CTNNA3: variants seen among roughly 807,000 people sequenced by gnomAD.
CTNNA3 encodes the protein catenin alpha 3.
CTNNA3 carries 76 observed loss-of-function variants against 95.7 expected under a neutral mutation model. The observed-to-expected ratio is 0.79, with a 90% CI of 0.66 to 0.96. CTNNA3 has a LOEUF of 0.96. CTNNA3 is among the 40% of genes least tolerant of loss of function. The pLI is 0.00. For missense variants in CTNNA3, 1,191 were observed against 1,089.8 expected (o/e 1.09, Z -1.31); for synonymous variants, 431 against 374.4 (o/e 1.15, Z -1.74).
rs560021112 is a variant in CTNNA3 at position 67,202,809 on chromosome 10, A to G, written c.843+16798T>C. Among the ~76,000 whole-genome samples, 23 of 152,090 alleles carry G rather than the reference A, an allele frequency of 1.5e-4. 1 individual carries two copies. Among genetic ancestry groups the G allele is most frequent in the African/African-American group, 5.5e-4 (23 of 41,502 alleles). ...TAGTAAATGTAACCTTCCAAAACAAATTTTTATTATATTATTATGATGGTA... is the reference window on the plus strand; with the variant it reads ...TAGTAAATGTAACCTTCCAAAACAAGTTTTTATTATATTATTATGATGGTA... On this transcript the variant is annotated intron_variant, in intron 6 of 17. Coordinates refer to ENST00000433211, the MANE Select transcript of CTNNA3 (RefSeq NM_013266.4).
intron 2 of CTNNA3, among the ~76,000 whole-genome samples, chr10:67,626,422 T>C (rs1838959308): frequency 6.6e-6 from 1 of 152,194 alleles, no homozygotes; most frequent in Non-Finnish European, 1.5e-5. Context: ...AAATCATAAA[T>C]GGCTTTTTTG....
chr10:67,299,820 T>C (rs1018573625), intron 5 of CTNNA3, among the ~76,000 whole-genome samples: 9 of 152,250 alleles, frequency 5.9e-5, no homozygotes, highest in Non-Finnish European at 1.2e-4. Context: ...TGAAAGGACC[T>C]AATATATAAA....
At chr10:66,220,995 C>A (rs890286251) in intron 13 of CTNNA3, among the ~76,000 whole-genome samples, 2 of 152,164 alleles carry the variant, frequency 1.3e-5, no homozygotes, top group African/African-American at 4.8e-5. Context: ...GTAGGGCCCT[C>A]GCCAGGGATC....
At chr10:67,274,439 C>T (rs1015610568) in intron 5 of CTNNA3, among the ~76,000 whole-genome samples, 7 of 152,062 alleles carry the variant, frequency 4.6e-5, no homozygotes, top group Non-Finnish European at 1.0e-4. Flanking sequence ...AGCATAATCA[C>T]AAATATTTGA....
intron 3 of CTNNA3, among the ~76,000 whole-genome samples, chr10:67,558,457 T>A (rs1841337361): frequency 6.6e-6 from 1 of 152,222 alleles, no homozygotes; most frequent in Admixed American, 6.5e-5. Flanking sequence ...GCCATTGATA[T>A]ATGTCAAAGT....
Position 67,139,729 on chromosome 10 carries a change from T to C in CTNNA3, c.1047+40588A>G, listed in dbSNP as rs1300397071. 2.0e-5 allele frequency among the ~76,000 whole-genome samples: 3 copies of C among 152,160 alleles called. No individual in the cohort carries two copies. The East Asian group carries it at 5.8e-4, about 29-fold the overall frequency. ...CGCCCAACCTAAAAAATGTAATAGA[T>C]TTAAAAGCCAAATATAAATCCATAG... On this transcript the variant is annotated intron_variant, in intron 7 of 17. Coordinates refer to ENST00000433211, the MANE Select transcript of CTNNA3 (RefSeq NM_013266.4).
At chr10:66,625,467 C>A (rs1244028575) in intron 9 of CTNNA3, among the ~76,000 whole-genome samples, 1 of 152,118 alleles carries the variant, frequency 6.6e-6, no homozygotes, top group Non-Finnish European at 1.5e-5. Flanking sequence ...AGGCTCACTG[C>A]AACCTCCACC....
intron 12 of CTNNA3, among the ~76,000 whole-genome samples, chr10:66,344,475 C>A (rs2092485253): frequency 6.6e-6 from 1 of 151,722 alleles, no homozygotes; most frequent in Non-Finnish European, 1.5e-5. Flanking sequence ...CTATATTGGC[C>A]AGGCTGGTCT....
chr10:65,951,964 A>G (rs1362348392), intron 17 of CTNNA3, among the ~76,000 whole-genome samples: 1 of 143,630 alleles, frequency 7.0e-6, no homozygotes, highest in Admixed American at 7.4e-5. Context: ...CGGGAGGCGG[A>G]GCTTGCAGTG....
In CTNNA3 at chr10:66,051,355, A is replaced by T. The variant is rs552271005; in HGVS notation, c.2159+17953T>A. 2.6e-5 allele frequency among the ~76,000 whole-genome samples: 4 copies of T among 152,340 alleles called. No homozygotes were observed. In the East Asian group the frequency reaches 7.7e-4, roughly 29 times the overall value. On this transcript the variant is annotated intron_variant, in intron 15 of 17. Transcript: ENST00000433211. ...GAATGAGCACATGAATGAACAAATA[A>T]GTGAATGAATCTTTGACTTCTTTAT...
chr10:66,427,577 A>G (rs571789334), intron 11 of CTNNA3, among the ~76,000 whole-genome samples: 7 of 152,256 alleles, frequency 4.6e-5, no homozygotes, highest in Admixed American at 3.9e-4. Context: ...TATTGGTAAC[A>G]TGGACATTTG....
intron 7 of CTNNA3, among the ~76,000 whole-genome samples, chr10:67,061,580 A>G (rs191460785): frequency 5.1e-4 from 78 of 152,308 alleles, no homozygotes; most frequent in African/African-American, 1.8e-3. Flanking sequence ...AAGGGCCAAT[A>G]GGAAGGCTAC....
chr10:66,505,037 C>T (rs538790405), intron 11 of CTNNA3, among the ~76,000 whole-genome samples: 1 of 152,182 alleles, frequency 6.6e-6, no homozygotes, highest in African/African-American at 2.4e-5. Context: ...TCTAGCTATA[C>T]CTTAAAGTTA....
intron 14 of CTNNA3, among the ~76,000 whole-genome samples, chr10:66,094,526 C>T (rs1479670050): frequency 1.3e-5 from 2 of 152,034 alleles, no homozygotes; most frequent in East Asian, 1.9e-4. Flanking sequence ...TGAGAGGTGC[C>T]GGTGCCTAAA....
At chr10:66,580,148 T>G (rs1843137376) in intron 10 of CTNNA3, among the ~76,000 whole-genome samples, 1 of 151,784 alleles carries the variant, frequency 6.6e-6, no homozygotes, top group African/African-American at 2.4e-5. Flanking sequence ...ATATGTTGAC[T>G]TTTTAAATTA....
rs999109871 is a variant in CTNNA3 at position 67,372,582 on chromosome 10, C to T, written c.579+149260G>A. Among the ~76,000 whole-genome samples, 211 of 152,270 alleles carry T rather than the reference C, an allele frequency of 1.4e-3. 1 individual carries two copies. Among genetic ancestry groups the T allele is most frequent in the Non-Finnish European group, 3.7e-4 (25 of 68,036 alleles). On this transcript the variant is annotated intron_variant, in intron 5 of 17. Coordinates refer to ENST00000433211, the MANE Select transcript of CTNNA3 (RefSeq NM_013266.4). Reference sequence around the variant, plus strand: ...ATATTATCCAGGAGAACTTCCCCAACCTAGCAAGGCAGGCCAACATTCAAA... The same window carrying T: ...ATATTATCCAGGAGAACTTCCCCAATCTAGCAAGGCAGGCCAACATTCAAA...
At chr10:66,672,328 A>G (rs776370509) in intron 9 of CTNNA3, among the ~76,000 whole-genome samples, 1 of 152,024 alleles carries the variant, frequency 6.6e-6, no homozygotes, top group Non-Finnish European at 1.5e-5. Context: ...AAATTATAAG[A>G]TTTTCTGCTC....
chr10:67,702,794 A>G (rs1260715475), intron 1 of CTNNA3, among the ~76,000 whole-genome samples: 1 of 152,182 alleles, frequency 6.6e-6, no homozygotes, highest in African/African-American at 2.4e-5. Context: ...AACTGAAGGA[A>G]ATAGAGACAC....
At chr10:66,321,895 C>T (rs192429562) in intron 12 of CTNNA3, among the ~76,000 whole-genome samples, 2 of 152,196 alleles carry the variant, frequency 1.3e-5, no homozygotes, top group Admixed American at 1.3e-4. Flanking sequence ...CTCTCATCTA[C>T]AATTAAATAG....
Sources: gnomAD v4.1 joint callset for allele counts (sites outside exome capture counted in the v4.1 genomes callset) on GRCh38, gnomAD v4.1.1 for gene constraint, MANE v1.5 for transcripts, NCBI Gene and HGNC (gene_info 2026-07-23, HGNC 2026-07-21) for gene names.